Variants in DHX8 observed in about 807,000 individuals in gnomAD.
The protein encoded by DHX8 is DEAH-box helicase 8, also known as ATP-dependent RNA helicase DHX8.
Under a neutral mutation model 140.7 loss-of-function variants are expected in DHX8, and 67 were observed. The ratio of observed to expected loss-of-function variants is 0.48; its 90% CI spans 0.39 to 0.58. DHX8 has a LOEUF of 0.58. Among genes scored for constraint, DHX8 ranks in the 20% least tolerant of loss-of-function variants. The pLI is 0.00. For synonymous variants in DHX8, 533 were observed against 553.2 expected, an observed-to-expected ratio of 0.96 and a Z score of 0.51; for missense variants, 887 against 1,550.7, an observed-to-expected ratio of 0.57 and a Z score of 7.19.
At chr17:43,528,799 G>T (rs1970723489), downstream of DHX8, 1 of 1,429,606 alleles carries the variant, frequency 7.0e-7, no homozygotes, top group Non-Finnish European at 9.8e-7. Context: ...CTTTGTATGG[G>T]GTAAGGTGGG....
In DHX8 at chr17:43,524,250, C is replaced by T; in HGVS notation, c.*403C>T. 2.9e-6 allele frequency: 3 copies of T among 1,027,676 alleles called. No homozygotes were observed. The highest frequency in any genetic ancestry group is 3.5e-6 in the Non-Finnish European group (3 of 855,836). The allele number at this position is 1,027,676 out of a possible 1,614,324, so 63.7% of individuals were successfully genotyped here. A position where few individuals can be genotyped will look rare whatever the true frequency, so the allele number is the denominator to read the frequency against. On this transcript the variant is annotated 3_prime_UTR_variant, in exon 23 of 23. Coordinates refer to ENST00000262415, the MANE Select transcript of DHX8 (RefSeq NM_004941.3). The stretch of plus-strand genomic sequence containing the variant: ...CTCATCTAAAGTGTTTGCCCCACTT[C>T]CCACCCCGTCTCCAGCCCCTGTACT...
chr17:43,511,250 A>G (rs2154586713), intron 16 of DHX8, among the ~76,000 whole-genome samples: 1 of 152,172 alleles, frequency 6.6e-6, no homozygotes, highest in African/African-American at 2.4e-5. Context: ...GAATCACCTG[A>G]ACCCAAGAGG....
At chr17:43,532,757 T>G in intron 2 of DHX8, 1 of 1,614,004 alleles carries the variant, frequency 6.2e-7, no homozygotes, top group Non-Finnish European at 8.5e-7. Flanking sequence ...CCCACCCTGG[T>G]CCACGGCTGG....
Position 43,484,032 on chromosome 17 carries a change from A to ATAGCCATGGCTGTGGCTG in DHX8, c.6_23dup. Reference sequence around the variant, plus strand: ...TGAGGAAGGAGGTTCTGGGCAAGCTATAGCCATGGCTGTGGCTGTAGCCAT... The same window carrying ATAGCCATGGCTGTGGCTG: ...TGAGGAAGGAGGTTCTGGGCAAGCTATAGCCATGGCTGTGGCTGTAGCCATGGCTGTGGCTGTAGCCAT... On this transcript the variant is annotated 5_prime_UTR_variant, in exon 1 of 23. It adds an upstream start codon to the 5' untranslated region. Coordinates refer to ENST00000262415, the MANE Select transcript of DHX8 (RefSeq NM_004941.3). 3 of 1,614,104 alleles carry ATAGCCATGGCTGTGGCTG rather than the reference A, an allele frequency of 1.9e-6. No individual in the cohort carries two copies. The highest frequency in any genetic ancestry group is 2.2e-5 in the East Asian group (1 of 44,878).
chr17:43,530,473 T>G (rs1418046530), downstream of DHX8: 22 of 1,310,314 alleles, frequency 1.7e-5, no homozygotes, highest in Non-Finnish European at 2.1e-5. Context: ...AGCAGCTGTT[T>G]CCTGCGAGTT....
rs773591855 is a variant in DHX8, at chr17:43,484,053, G to A, written c.16G>A (p.Ala6Thr). 1.9e-6 allele frequency: 3 copies of A among 1,614,094 alleles called. No homozygotes were observed. Among genetic ancestry groups the A allele is most frequent in the Admixed American group, 1.7e-5 (1 of 60,024 alleles). The change falls in exon 1 of 23, where the codon GCC becomes ACC. Residue 6 changes from alanine to threonine, a missense_variant. This residue lies in a region of DHX8 where 32 missense variants were observed against 25.1 expected (regional missense o/e 1.28). Transcript: ENST00000262415. MAVAV[A>T]MAGALIGSEP... ...AGCTATAGCCATGGCTGTGGCTGTA[G>A]CCATGGCGGGAGCCTTAATCGGGTC...
intron 16 of DHX8, among the ~76,000 whole-genome samples, chr17:43,513,036 A>G (rs1489021130): frequency 2.6e-5 from 4 of 152,180 alleles, no homozygotes; most frequent in Non-Finnish European, 5.9e-5. Context: ...GTGCTAGAAA[A>G]TTAAAATTGT....
At position 43,492,736 on chromosome 17, in the gene DHX8, G is replaced by A; in HGVS notation, c.559G>A (p.Asp187Asn). The change falls in exon 6 of 23, where the codon GAC (aspartate) becomes AAC (asparagine). Residue 187 changes from aspartate (D) to asparagine (N), a missense_variant. By Grantham distance (23) the Asp-to-Asn change is conservative (BLOSUM62 1). This residue lies in a region of DHX8 where 304 missense variants were observed against 306.9 expected (regional missense o/e 0.99). Coordinates refer to ENST00000262415, the MANE Select transcript of DHX8 (RefSeq NM_004941.3). ...AAGCCGAGATCGAAACCGAGATCGA[G>A]ACAGAGATAGGGAACGAAACCGAGA... Reference protein sequence around the residue: ...SRSRDRNRDRDRDRERNRDRD... With the variant: ...SRSRDRNRDRNRDRERNRDRD... The A allele has an allele frequency of 6.2e-7, 1 of 1,613,774 alleles. No homozygotes were observed. Among genetic ancestry groups the A allele is most frequent in the Non-Finnish European group, 8.5e-7 (1 of 1,179,680 alleles).
intron 3 of DHX8, among the ~76,000 whole-genome samples, chr17:43,542,096 A>T (rs1488964596): frequency 6.6e-6 from 1 of 152,150 alleles, no homozygotes; most frequent in African/African-American, 2.4e-5. Context: ...TGGGACAGCC[A>T]AAGGGCAAAG....
rs752116430 is a variant in DHX8, at chr17:43,492,204, G to T, written c.415G>T (p.Val139Leu). 1.2e-6 allele frequency: 2 copies of T among 1,614,102 alleles called. No homozygotes were observed. The highest frequency in any genetic ancestry group is 3.3e-5 in the Admixed American group (2 of 60,014). The change falls in exon 5 of 23, where the codon GTG (valine) becomes TTG (leucine). Residue 139 changes from valine to leucine, a missense_variant. Physicochemically the swap from Val to Leu is conservative, Grantham distance 32 (BLOSUM62 1). Coordinates refer to ENST00000262415, the MANE Select transcript of DHX8 (RefSeq NM_004941.3). Reference protein sequence around the residue: ...SVRTMLDEDDVKVAVDVLKEL... With the variant: ...SVRTMLDEDDLKVAVDVLKEL... The stretch of plus-strand genomic sequence containing the variant: ...GCAGACCATGTTGGATGAAGATGAT[G>T]TGAAAGTTGCTGTGGATGTCCTGAA...
rs761549702 is a variant in DHX8, at chr17:43,490,531, A to C, written c.307+68A>C. 28 of 1,328,838 alleles carry C rather than the reference A, an allele frequency of 2.1e-5. No individual in the cohort carries two copies. In the Middle Eastern group the frequency reaches 9.2e-4, roughly 44 times the overall value. 82.3% of individuals were successfully genotyped at this position (1,328,838 alleles called of 1,614,324 possible). A position where few individuals can be genotyped will look rare whatever the true frequency, so the allele number is the denominator to read the frequency against. On this transcript the variant is annotated intron_variant, in intron 3 of 22. Transcript: ENST00000262415. ...AGGTTTTGAACATCCTGTAAATTGC[A>C]TTTGTTTTCCTCTCAGCAGTTGCTG...
Position 43,525,216 on chromosome 17 carries a change from C to G in DHX8, c.*1369C>G. 2.0e-6 allele frequency: 2 copies of G among 985,456 alleles called. No individual in the cohort carries two copies. The highest frequency in any genetic ancestry group is 2.4e-6 in the Non-Finnish European group (2 of 829,954). 61.0% of individuals were successfully genotyped at this position (985,456 alleles called of 1,614,324 possible). ...AAGCTTCTGAGAGATTGGGCACATC[C>G]TGTTACGTTGCTGCTTCTCCTGTCC... On this transcript the variant is annotated 3_prime_UTR_variant, in exon 23 of 23. Transcript: ENST00000262415.
At chr17:43,528,310 C>T (rs997279278), downstream of DHX8, 2 of 499,678 alleles carry the variant, frequency 4.0e-6, no homozygotes, top group Admixed American at 3.4e-5. Flanking sequence ...AGGGGAGTTT[C>T]TGAGACTCTA....
At chr17:43,485,857 A>T (rs36084246) in intron 1 of DHX8, among the ~76,000 whole-genome samples, 2 of 152,224 alleles carry the variant, frequency 1.3e-5, no homozygotes, top group African/African-American at 4.8e-5. Context: ...ACCCACAAAT[A>T]TGCTTTTTCT....
intron 10 of DHX8, 39 bp downstream of exon 10, chr17:43,498,998 G>A: frequency 6.7e-7 from 1 of 1,491,418 alleles, no homozygotes; most frequent in Non-Finnish European, 9.1e-7. Flanking sequence ...AATGTCAAGT[G>A]GACTTCTTTT....
chr17:43,500,080 A>C lies in DHX8; in HGVS notation c.1523A>C (p.His508Pro). ...TCTATTCCCATGGGACTCAACAAAC[A>C]CTGGGTTGACCCTCTGCCTGATGGT... is the stretch of plus-strand genomic sequence containing the variant. ...MDSIPMGLNK[H>P]WVDPLPDAEG... is the part of the protein sequence containing the mutation. Residue 508 changes from histidine to proline, a missense_variant, in exon 11 of 23, where the codon CAC becomes CCC. This residue lies in a region of DHX8 where 178 missense variants were observed against 398.5 expected (regional missense o/e 0.45). Transcript: ENST00000262415. The C allele has an allele frequency of 6.2e-7, 1 of 1,614,018 alleles. No individual in the cohort carries two copies. The highest frequency in any genetic ancestry group is 8.5e-7 in the Non-Finnish European group (1 of 1,179,956).
Position 43,520,179 on chromosome 17 carries a change from C to T in DHX8, c.2849C>T (p.Pro950Leu). The change falls in exon 19 of 23, where the codon CCT becomes CTT. Residue 950 changes from proline to leucine, a missense_variant. Around this residue, in one of 9 missense-constraint regions of DHX8, gnomAD observed 151 missense variants for 388.3 expected, o/e 0.39. Coordinates refer to ENST00000262415, the MANE Select transcript of DHX8 (RefSeq NM_004941.3). ...TCCTTTGATTTCATGGATGCCCCAC[C>T]TATGGAAACTTTGATCACAGCCATG... ...LLSFDFMDAP[P>L]METLITAMEQ... The T allele has an allele frequency of 6.2e-7, 1 of 1,614,144 alleles. No individual in the cohort carries two copies. Among genetic ancestry groups the T allele is most frequent in the Non-Finnish European group, 8.5e-7 (1 of 1,180,022 alleles).
chr17:43,493,273 C>T (rs1024560100), intron 6 of DHX8, among the ~76,000 whole-genome samples, 172 bp from the exon 7 acceptor site: 1 of 152,188 alleles, frequency 6.6e-6, no homozygotes, highest in Non-Finnish European at 1.5e-5. Context: ...CTTCCCCACC[C>T]CATGTCTCCC....
chr17:43,488,297 GA>G (rs916075602), intron 1 of DHX8, among the ~76,000 whole-genome samples: 2 of 81,374 alleles, frequency 2.5e-5, no homozygotes, highest in Non-Finnish European at 5.3e-5. Flanking sequence ...AAAAAAAAAA[GA>G]AAAAAAGAAA....
Sources: allele counts gnomAD v4.1 joint callset (sites outside exome capture counted in the v4.1 genomes callset), GRCh38; gene constraint gnomAD v4.1.1; regional missense constraint gnomAD v4.1.1; transcripts MANE v1.5; gene names NCBI Gene and HGNC (gene_info 2026-07-23, HGNC 2026-07-21).